The following SMC5 variants were observed in gnomAD, a reference collection of about 807,000 sequenced individuals.
SMC5 encodes the protein structural maintenance of chromosomes 5, also known as structural maintenance of chromosomes protein 5.
In SMC5, 88 loss-of-function variants were observed where a neutral mutation model predicts 148.3. That is an observed-to-expected ratio of 0.59 (90% CI 0.50 to 0.71). SMC5 has a LOEUF of 0.71. SMC5 is among the 30% of genes least tolerant of loss of function. The probability of loss-of-function intolerance (pLI) is 0.00; values close to 1 mark genes in which losing one functional copy is unlikely to be tolerated. For missense variants in SMC5, 1,142 were observed against 1,298.9 expected, an observed-to-expected ratio of 0.88 and a Z score of 1.86; for synonymous variants, 421 against 432.8, an observed-to-expected ratio of 0.97 and a Z score of 0.34.
chr9:70,260,660 A>G (rs774681571), intron 1 of SMC5, among the ~76,000 whole-genome samples: 13 of 152,232 alleles, frequency 8.5e-5, no homozygotes, highest in Admixed American at 6.5e-5. Context: ...TAATCAAATG[A>G]GTTAGATACC....
chr9:70,311,558 T>C (rs1377952731), intron 11 of SMC5: 1 of 152,148 alleles, frequency 6.6e-6, no homozygotes, highest in Non-Finnish European at 1.5e-5. Flanking sequence ...TTTAGACTTT[T>C]TTTGACATAG....
At position 70,354,860 on chromosome 9, in the gene SMC5, A is replaced by G. The variant is rs867019773; in HGVS notation, c.*2529A>G. The G allele has an allele frequency of 2.6e-5, 4 of 152,186 alleles. No individual in the cohort carries two copies. Among genetic ancestry groups the G allele is most frequent in the Admixed American group, 6.5e-5 (1 of 15,274 alleles). The allele number at this position is 152,186 out of a possible 1,614,324, so 9.4% of individuals were successfully genotyped here. On this transcript the variant is annotated 3_prime_UTR_variant, in exon 25 of 25. Transcript: ENST00000361138. Reference sequence around the variant, plus strand: ...ATCCTGCTTTGTTGGTAATAAATCAATATTTTTATATTCTTTTGGTGTATG... The same window carrying G: ...ATCCTGCTTTGTTGGTAATAAATCAGTATTTTTATATTCTTTTGGTGTATG...
At chr9:70,261,226 C>T (rs1169288523) in intron 1 of SMC5, among the ~76,000 whole-genome samples, 1 of 152,168 alleles carries the variant, frequency 6.6e-6, no homozygotes, top group Admixed American at 6.5e-5. Flanking sequence ...TAAGAAGTTC[C>T]GACATCATCC....
chr9:70,278,684 A>G, intron 5 of SMC5, 59 bp downstream of exon 5: 2 of 1,506,422 alleles, frequency 1.3e-6, no homozygotes, highest in Non-Finnish European at 1.8e-6. Context: ...ATCTCAGAAC[A>G]TGGGAGAGAG....
chr9:70,285,529 G>T (rs542952021), intron 7 of SMC5, among the ~76,000 whole-genome samples: 2 of 152,164 alleles, frequency 1.3e-5, no homozygotes, highest in Non-Finnish European at 2.9e-5. Flanking sequence ...GTACAAACAC[G>T]CACAGTGAGC....
At chr9:70,269,864 C>G (rs781232411) in intron 3 of SMC5, among the ~76,000 whole-genome samples, 12 of 152,092 alleles carry the variant, frequency 7.9e-5, no homozygotes, top group Non-Finnish European at 1.5e-4. Flanking sequence ...AGGAACAGAT[C>G]GAAATGTACA....
chr9:70,305,386 T>C (rs1318363348), intron 11 of SMC5, 26 bp downstream of exon 11: 1 of 1,291,632 alleles, frequency 7.7e-7, no homozygotes, highest in Non-Finnish European at 1.1e-6. Context: ...CACAACACTT[T>C]GATTCACTTG....
At chr9:70,328,152 A>G (rs1472730349) in intron 17 of SMC5, among the ~76,000 whole-genome samples, 1 of 151,974 alleles carries the variant, frequency 6.6e-6, no homozygotes, top group African/African-American at 2.4e-5. Context: ...GGGACACAGA[A>G]CTAACCATAT....
chr9:70,349,073 C>T (rs527517681), intron 22 of SMC5, among the ~76,000 whole-genome samples: 1 of 152,230 alleles, frequency 6.6e-6, no homozygotes, highest in South Asian at 2.1e-4. Flanking sequence ...TCATGTTTTT[C>T]GTTTTGGTTT....
At chr9:70,343,964 AAAGTTT>A (rs1461093809) in intron 17 of SMC5, among the ~76,000 whole-genome samples, 174 bp from the exon 18 acceptor site, 158 of 152,294 alleles carry the variant, frequency 1.0e-3, no homozygotes, top group African/African-American at 3.3e-3. Context: ...GATGTATTTT[AAAGTTT>A]AAGTTCAAGT....
chr9:70,297,321 T>A (rs2035228110), intron 8 of SMC5, among the ~76,000 whole-genome samples: 1 of 152,264 alleles, frequency 6.6e-6, no homozygotes, highest in Admixed American at 6.5e-5. Context: ...GATCTGTGGT[T>A]GATGGCATCA....
At chr9:70,303,187 A>G (rs2035404147) in intron 10 of SMC5, among the ~76,000 whole-genome samples, 1 of 151,880 alleles carries the variant, frequency 6.6e-6, no homozygotes, top group Admixed American at 6.6e-5. Flanking sequence ...TGATCACACC[A>G]CTGCACTCAG....
At chr9:70,317,345 C>T (rs2035830011) in intron 13 of SMC5, among the ~76,000 whole-genome samples, 1 of 151,996 alleles carries the variant, frequency 6.6e-6, no homozygotes, top group African/African-American at 2.4e-5. Flanking sequence ...TAAGATTCTC[C>T]CTTTGGTTAA....
chr9:70,329,954 A>AG (rs1006486284), intron 17 of SMC5, among the ~76,000 whole-genome samples: 1 of 152,126 alleles, frequency 6.6e-6, no homozygotes, highest in Non-Finnish European at 1.5e-5. Flanking sequence ...GTGAGAGAGA[A>AG]GGGGGAAGTG....
chr9:70,267,472 T>C (rs1229253052), intron 2 of SMC5, among the ~76,000 whole-genome samples: 1 of 152,316 alleles, frequency 6.6e-6, no homozygotes, highest in East Asian at 1.9e-4. Flanking sequence ...GTTGTTAATA[T>C]TTAACCTGCG....
At position 70,348,001 on chromosome 9, in the gene SMC5, A is replaced by G. The variant is rs1393577458; in HGVS notation, c.2852A>G (p.Gln951Arg). 4 of 1,605,396 alleles carry G rather than the reference A, an allele frequency of 2.5e-6. No homozygotes were observed. Among genetic ancestry groups the G allele is most frequent in the Non-Finnish European group, 2.5e-6 (3 of 1,177,384 alleles). The change falls in exon 22 of 25, where the codon CAG becomes CGG. Residue 951 changes from glutamine (Q) to arginine (R), a missense_variant. Transcript: ENST00000361138. ...EKFSNFFSSM[Q>R]CAGEVDLHTE... is the part of the protein sequence containing the mutation. Reference sequence around the variant, plus strand: ...TTCAGCAATTTTTTTAGTTCCATGCAGTGTGCTGGTGAAGTTGATCTCCAT... The same window carrying G: ...TTCAGCAATTTTTTTAGTTCCATGCGGTGTGCTGGTGAAGTTGATCTCCAT...
At chr9:70,271,211 A>G (rs2034442367) in intron 3 of SMC5, among the ~76,000 whole-genome samples, 1 of 152,172 alleles carries the variant, frequency 6.6e-6, no homozygotes, top group African/African-American at 2.4e-5. Flanking sequence ...ACAGTATCAT[A>G]ATGTAAATTA....
chr9:70,344,422 AT>A (rs2036610084), intron 18 of SMC5, 153 bp downstream of exon 18: 1 of 310,428 alleles, frequency 3.2e-6, no homozygotes, highest in African/African-American at 2.2e-5. Flanking sequence ...ATATATATAT[AT>A]AAAATAATGT....
At chr9:70,332,612 A>AAGTATACTTCTTGAAG (rs2036248409) in intron 17 of SMC5, among the ~76,000 whole-genome samples, 1 of 152,094 alleles carries the variant, frequency 6.6e-6, no homozygotes, top group East Asian at 1.9e-4. Context: ...TTGAAGCATT[A>AAGTATACTTCTTGAAG]TATGAGGCCA....
Sources: gnomAD v4.1 joint callset for allele counts (sites outside exome capture counted in the v4.1 genomes callset) on GRCh38, gnomAD v4.1.1 for gene constraint, MANE v1.5 for transcripts, NCBI Gene and HGNC (gene_info 2026-07-23, HGNC 2026-07-21) for gene names.